The following PPP1R13B variants were observed in gnomAD, a reference collection of about 807,000 sequenced individuals.
PPP1R13B encodes apoptosis-stimulating of p53 protein 1.
Under a neutral mutation model 119.8 loss-of-function variants are expected in PPP1R13B, and 44 were observed. The ratio of observed to expected loss-of-function variants is 0.37; its 90% CI spans 0.29 to 0.47. The LOEUF is 0.47. Among genes scored for constraint, PPP1R13B ranks in the 20% least tolerant of loss-of-function variants. The pLI, the probability that PPP1R13B is intolerant of heterozygous loss-of-function variation, is 0.99. For synonymous variants in PPP1R13B, 542 were observed against 561.5 expected (o/e 0.97, Z 0.49); for missense variants, 1,227 against 1,413.5 (o/e 0.87, Z 2.12).
chr14:103,822,393 C>T (rs1205876682), intron 1 of PPP1R13B, among the ~76,000 whole-genome samples: 1 of 152,124 alleles, frequency 6.6e-6, no homozygotes, highest in Admixed American at 6.6e-5. Context: ...TCTTGGCCTC[C>T]CAAAGTGCTG....
At position 103,741,817 on chromosome 14, in the gene PPP1R13B, T is replaced by C. The variant is rs755693312; in HGVS notation, c.1795A>G (p.Ser599Gly). 3.7e-6 allele frequency: 6 copies of C among 1,614,220 alleles called. No individual in the cohort carries two copies. Among genetic ancestry groups the C allele is most frequent in the Non-Finnish European group, 5.1e-6 (6 of 1,180,026 alleles). ...PPKNYQPAAHSALNKSVKAVY... is the reference protein window; with the variant it reads ...PPKNYQPAAHGALNKSVKAVY... ...GCTTTAACTGACTTATTTAAGGCGCTGTGTGCTGCCGGCTGGTAATTCTTA... is the reference window on the plus strand; with the variant it reads ...GCTTTAACTGACTTATTTAAGGCGCCGTGTGCTGCCGGCTGGTAATTCTTA... The change falls in exon 11 of 17, where the codon AGC (serine) becomes GGC (glycine). Residue 599 changes from serine to glycine, a missense_variant. Transcript: ENST00000202556.
intron 1 of PPP1R13B, among the ~76,000 whole-genome samples, chr14:103,801,521 C>T (rs1202722349): frequency 2.0e-5 from 3 of 152,106 alleles, no homozygotes; most frequent in Non-Finnish European, 4.4e-5. Flanking sequence ...CAAAACTCAG[C>T]TCCTAACTAC....
intron 2 of PPP1R13B, among the ~76,000 whole-genome samples, chr14:103,792,673 T>C (rs1306763212): frequency 6.6e-6 from 1 of 152,066 alleles, no homozygotes; most frequent in East Asian, 1.9e-4. Context: ...CTTGTGAGGC[T>C]GAGATGGAAG....
At chr14:103,829,016 CA>C (rs1370145647) in intron 1 of PPP1R13B, among the ~76,000 whole-genome samples, 7 of 152,064 alleles carry the variant, frequency 4.6e-5, no homozygotes, top group South Asian at 2.1e-4. Flanking sequence ...TGGAGACTCT[CA>C]AAATAATCCA....
Position 103,742,205 on chromosome 14 carries a change from T to G in PPP1R13B, c.1407A>C (p.Thr469=), listed in dbSNP as rs1293692697. 2 of 1,602,370 alleles carry G rather than the reference T, an allele frequency of 1.2e-6. No homozygotes were observed. Among genetic ancestry groups the G allele is most frequent in the African/African-American group, 2.7e-5 (2 of 74,806 alleles). The change falls in exon 11 of 17, where the codon ACA becomes ACC. Residue 469 remains threonine (T), a synonymous_variant. Coordinates refer to ENST00000202556, the MANE Select transcript of PPP1R13B (RefSeq NM_015316.3). The surrounding 1 kb of genome is among the most constrained non-coding windows in gnomAD (Gnocchi z 4.9). ...PPSYGTYPSP[T]PLGPGSTSSL... Reference sequence around the variant, plus strand: ...AGCTTGTCGACCCAGGACCCAGAGGTGTAGGACTTGGGTATGTCCCATAGC... The same window carrying G: ...AGCTTGTCGACCCAGGACCCAGAGGGGTAGGACTTGGGTATGTCCCATAGC...
chr14:103,847,021 G>A, intron 1 of PPP1R13B: 1 of 1,138,830 alleles, frequency 8.8e-7, no homozygotes, highest in Non-Finnish European at 1.1e-6. Context: ...AGAGGACCGA[G>A]GAGATGACCG....
intron 4 of PPP1R13B, among the ~76,000 whole-genome samples, chr14:103,766,123 C>T (rs2084933742): frequency 6.6e-6 from 1 of 151,828 alleles, no homozygotes; most frequent in South Asian, 2.1e-4. Flanking sequence ...ATTCTCCTGC[C>T]TCAGCCTCCC....
intron 4 of PPP1R13B, among the ~76,000 whole-genome samples, chr14:103,778,210 T>C (rs1318357527): frequency 1.6e-5 from 2 of 125,680 alleles, no homozygotes; most frequent in Admixed American, 1.5e-4. Flanking sequence ...CGCCTCGGCC[T>C]CCCAAAATGC....
At position 103,823,207 on chromosome 14, in the gene PPP1R13B, G is replaced by A. The variant is rs181497457; in HGVS notation, c.9+24092C>T. ...CAAAAAATTAGCTGGGCGTGGTGGCGGGTGCCTGTAGGTCCCAGCTACTTG... is the reference window on the plus strand; with the variant it reads ...CAAAAAATTAGCTGGGCGTGGTGGCAGGTGCCTGTAGGTCCCAGCTACTTG... On this transcript the variant is annotated intron_variant, in intron 1 of 16. Coordinates refer to ENST00000202556, the MANE Select transcript of PPP1R13B (RefSeq NM_015316.3). 3.7e-3 allele frequency among the ~76,000 whole-genome samples: 559 copies of A among 151,914 alleles called. 5 individuals are homozygous for A. The highest frequency in any genetic ancestry group is 0.013 in the African/African-American group (539 of 41,404).
intron 15 of PPP1R13B, chr14:103,736,437 A>G: frequency 5.1e-6 from 3 of 584,440 alleles, no homozygotes; most frequent in Non-Finnish European, 6.1e-6. Context: ...CAGGACAGAC[A>G]GGACAAACGA....
At chr14:103,821,489 C>A (rs566377803) in intron 1 of PPP1R13B, among the ~76,000 whole-genome samples, 1 of 152,192 alleles carries the variant, frequency 6.6e-6, no homozygotes, top group Non-Finnish European at 1.5e-5. Context: ...CAGTGGCTCA[C>A]GCCTATAATC....
At chr14:103,818,070 A>C (rs1198860024) in intron 1 of PPP1R13B, among the ~76,000 whole-genome samples, 1 of 152,238 alleles carries the variant, frequency 6.6e-6, no homozygotes, top group African/African-American at 2.4e-5. Flanking sequence ...TTGAAAAACA[A>C]AACATTGTAA....
intron 2 of PPP1R13B, among the ~76,000 whole-genome samples, chr14:103,794,206 T>C (rs919442485): frequency 1.3e-5 from 2 of 152,162 alleles, no homozygotes; most frequent in East Asian, 1.9e-4. Flanking sequence ...AGCAAAATAA[T>C]GCACAGATCC....
chr14:103,754,212 C>T lies in PPP1R13B; in HGVS notation c.489G>A (p.Glu163=), dbSNP rs1330369497. The T allele has an allele frequency of 1.2e-6, 2 of 1,612,860 alleles. No individual in the cohort carries two copies. Among genetic ancestry groups the T allele is most frequent in the African/African-American group, 2.7e-5 (2 of 74,724 alleles). ...CAGAAATAGACTGCTGCTGACGGCG[C>T]TCCTGTTGCTTTAGAAAATGTAAAC... ...EQRLHFLKQQ[E]RRQQQSISEN... Residue 163 remains glutamate, a synonymous_variant, in exon 6 of 17, where the codon GAG becomes GAA. Transcript: ENST00000202556.
intron 1 of PPP1R13B, among the ~76,000 whole-genome samples, chr14:103,806,634 G>A: frequency 6.6e-6 from 1 of 152,148 alleles, no homozygotes; most frequent in East Asian, 1.9e-4. Context: ...CATTAGAGCT[G>A]TAAGGAAAAC....
At chr14:103,786,810 C>A (rs1014188957) in intron 2 of PPP1R13B, among the ~76,000 whole-genome samples, 1 of 145,392 alleles carries the variant, frequency 6.9e-6, no homozygotes. Flanking sequence ...GTGGTGCACG[C>A]CTGTGGTCCC....
chr14:103,742,756 G>A lies in PPP1R13B; in HGVS notation c.1218C>T (p.Ala406=), dbSNP rs774882067. The A allele has an allele frequency of 1.2e-6, 2 of 1,614,136 alleles. No individual in the cohort carries two copies. The highest frequency in any genetic ancestry group is 2.2e-5 in the East Asian group (1 of 44,890). Residue 406 remains alanine, a synonymous_variant, in exon 10 of 17, where the codon GCC becomes GCT. Transcript: ENST00000202556. This position sits in a 1 kb window ranked among gnomAD's most constrained non-coding sequence, Gnocchi z 4.9. ...CGCTCGGATCCTTCCAGTCTGCACC[G>A]GCCACCTGCACTGGTTTCACGGAAG... ...SSSSVKPVQV[A]GADWKDPSVE... is the part of the protein sequence containing the mutation.
rs777272743 is a variant in PPP1R13B, at chr14:103,778,747, C to T, written c.352G>A (p.Gly118Arg). The T allele has an allele frequency of 1.2e-6, 2 of 1,612,916 alleles. No homozygotes were observed. ...CAATTTAATTCACTGTCACTTACCC[C>T]ATTTTCAGTACGTTTTTCTCCAGGT... The part of the protein sequence containing the change: ...NVPGEKRTEN[G>R]VGNPRVELTL... Residue 118 changes from glycine to arginine, a missense_variant and splice_region_variant, in exon 4 of 17, where the codon GGG (glycine) becomes AGG (arginine). Transcript: ENST00000202556.
intron 1 of PPP1R13B, among the ~76,000 whole-genome samples, chr14:103,800,514 C>T (rs913033466): frequency 2.6e-5 from 4 of 151,888 alleles, no homozygotes; most frequent in East Asian, 3.9e-4. Flanking sequence ...ATTAGCCAGG[C>T]GTGGTGGCCC....
Sources: allele counts gnomAD v4.1 joint callset (sites outside exome capture counted in the v4.1 genomes callset), GRCh38; gene constraint gnomAD v4.1.1; non-coding constraint Gnocchi (gnomAD v3.1); transcripts MANE v1.5; gene names NCBI Gene and HGNC (gene_info 2026-07-23, HGNC 2026-07-21).